The following LNP1 variants were observed in gnomAD, a reference collection of about 807,000 sequenced individuals.
LNP1 encodes leukemia NUP98 fusion partner 1.
In LNP1, 12 loss-of-function variants were observed where a neutral mutation model predicts 14.5. That is an observed-to-expected ratio of 0.83 (90% CI 0.53 to 1.34). LNP1 has a LOEUF of 1.34. Among genes scored for constraint, LNP1 ranks in the 40% most tolerant of loss-of-function variants. LNP1 has a pLI of 0.00. For missense variants in LNP1, 198 were observed against 210.9 expected, an observed-to-expected ratio of 0.94 and a Z score of 0.38; for synonymous variants, 75 against 71.4, an observed-to-expected ratio of 1.05 and a Z score of -0.26.
At chr3:100,454,984 C>A (rs962686619) in intron 3 of LNP1, among the ~76,000 whole-genome samples, 2 of 152,106 alleles carry the variant, frequency 1.3e-5, no homozygotes, top group Non-Finnish European at 2.9e-5. Context: ...TAAATAGATA[C>A]GGTGGCCACA....
intron 2 of LNP1, among the ~76,000 whole-genome samples, chr3:100,432,467 G>T (rs1479563238): frequency 6.6e-6 from 1 of 152,146 alleles, no homozygotes. Flanking sequence ...CCACACTTGT[G>T]GGACTGTCAG....
At chr3:100,431,216 C>T (rs1279499335) in intron 2 of LNP1, among the ~76,000 whole-genome samples, 1 of 152,140 alleles carries the variant, frequency 6.6e-6, no homozygotes, top group Non-Finnish European at 1.5e-5. Context: ...TAGAAAGAAA[C>T]ATGGTTTACT....
At chr3:100,426,066 C>T (rs1707189801) in intron 1 of LNP1, among the ~76,000 whole-genome samples, 1 of 152,182 alleles carries the variant, frequency 6.6e-6, no homozygotes. Flanking sequence ...AGGGGTCCCA[C>T]TCTCTGTGAT....
At chr3:100,438,729 GGA>G (rs1374225614) in intron 2 of LNP1, among the ~76,000 whole-genome samples, 1 of 152,136 alleles carries the variant, frequency 6.6e-6, no homozygotes, top group East Asian at 1.9e-4. Context: ...ACTCTAATCA[GGA>G]GAGTCAGTGT....
rs372103737 is a variant in LNP1, at chr3:100,434,560, A to G, written c.156+4675A>G. On this transcript the variant is annotated intron_variant, in intron 2 of 3. Transcript: ENST00000383693. Reference sequence around the variant, plus strand: ...TTCTTTTTTTTTGAGTTGAAGTCTCATTCTATTGCCCAGGCTGGAGTGCAG... The same window carrying G: ...TTCTTTTTTTTTGAGTTGAAGTCTCGTTCTATTGCCCAGGCTGGAGTGCAG... Among the ~76,000 whole-genome samples, 40 of 147,438 alleles carry G rather than the reference A, an allele frequency of 2.7e-4. 2 individuals carry two copies. The East Asian group carries it at 3.4e-3, about 12-fold the overall frequency.
chr3:100,444,808 A>G (rs559004298), intron 2 of LNP1, among the ~76,000 whole-genome samples: 1 of 152,336 alleles, frequency 6.6e-6, no homozygotes, highest in East Asian at 1.9e-4. Flanking sequence ...TTTTATAAAC[A>G]ATCTATAAAA....
In LNP1 at chr3:100,440,294, T is replaced by C. The variant is rs181325863; in HGVS notation, c.156+10409T>C. On this transcript the variant is annotated intron_variant, in intron 2 of 3. Transcript: ENST00000383693. Reference sequence around the variant, plus strand: ...TGGGGGTTAGGGTTTCAACCTATGATTTTTGGAGAGATATAGTTCAGCCCA... The same window carrying C: ...TGGGGGTTAGGGTTTCAACCTATGACTTTTGGAGAGATATAGTTCAGCCCA... Among the ~76,000 whole-genome samples, 174 of 152,286 alleles carry C rather than the reference T, an allele frequency of 1.1e-3. 3 individuals carry two copies. The highest frequency in any genetic ancestry group is 1.5e-3 in the East Asian group (8 of 5,178).
chr3:100,414,547 A>AT (rs1707063216), intron 1 of LNP1, among the ~76,000 whole-genome samples: 1 of 138,198 alleles, frequency 7.2e-6, no homozygotes, highest in Non-Finnish European at 1.6e-5. Context: ...ACTCAGTCTT[A>AT]AAAAAAAAAA....
At chr3:100,444,765 C>T (rs1288423235) in intron 2 of LNP1, among the ~76,000 whole-genome samples, 2 of 152,174 alleles carry the variant, frequency 1.3e-5, no homozygotes, top group African/African-American at 4.8e-5. Flanking sequence ...CTAATAAAAA[C>T]TGCATGAAGC....
intron 2 of LNP1, among the ~76,000 whole-genome samples, chr3:100,437,533 A>G (rs373908930): frequency 6.6e-6 from 1 of 152,220 alleles, no homozygotes; most frequent in African/African-American, 2.4e-5. Context: ...TGTACAGTGC[A>G]TGGTTACTAA....
In LNP1 at chr3:100,426,272, G is replaced by T. The variant is rs975265118; in HGVS notation, c.-33-3425G>T. 2.6e-5 allele frequency among the ~76,000 whole-genome samples: 4 copies of T among 152,300 alleles called. No individual in the cohort carries two copies. In the Middle Eastern group the frequency reaches 0.01, roughly 389 times the overall value. On this transcript the variant is annotated intron_variant, in intron 1 of 3. Coordinates refer to ENST00000383693, the MANE Select transcript of LNP1 (RefSeq NM_001085451.2). Reference sequence around the variant, plus strand: ...TGTAAACAAACCTGCAATAGTCCCCGAGGCTGAATTATGTTCCTTGAGCCT... The same window carrying T: ...TGTAAACAAACCTGCAATAGTCCCCTAGGCTGAATTATGTTCCTTGAGCCT...
At chr3:100,449,670 A>C (rs1327560224) in intron 2 of LNP1, among the ~76,000 whole-genome samples, 1 of 151,966 alleles carries the variant, frequency 6.6e-6, no homozygotes, top group East Asian at 1.9e-4. Flanking sequence ...CAAAAAAAAC[A>C]ACCAAAAACA....
At chr3:100,417,440 G>T (rs981716481) in intron 1 of LNP1, among the ~76,000 whole-genome samples, 1 of 126,232 alleles carries the variant, frequency 7.9e-6, no homozygotes, top group Non-Finnish European at 1.6e-5. Context: ...GCACTGGTGC[G>T]ATCTCAGCTC....
chr3:100,439,203 C>A (rs1282797055), intron 2 of LNP1, among the ~76,000 whole-genome samples: 2 of 151,260 alleles, frequency 1.3e-5, no homozygotes, highest in East Asian at 3.9e-4. Context: ...CTCCCAGTCA[C>A]AAAACTTTAA....
intron 1 of LNP1, among the ~76,000 whole-genome samples, chr3:100,422,690 C>T (rs181074453): frequency 2.6e-4 from 39 of 152,078 alleles, no homozygotes; most frequent in East Asian, 1.2e-3. Context: ...TGAAGCCCAC[C>T]TTTAGCCAAA....
intron 1 of LNP1, among the ~76,000 whole-genome samples, chr3:100,424,879 C>G (rs964456633): frequency 8.5e-5 from 13 of 152,190 alleles, no homozygotes; most frequent in Non-Finnish European, 1.9e-4. Flanking sequence ...TGAAACTAAC[C>G]TGAGTATTGA....
At chr3:100,443,833 A>C (rs984675785) in intron 2 of LNP1, among the ~76,000 whole-genome samples, 2 of 152,252 alleles carry the variant, frequency 1.3e-5, no homozygotes, top group African/African-American at 4.8e-5. Flanking sequence ...TAAGTTAAGA[A>C]TACTCCCAAA....
chr3:100,405,736 C>A (rs186503901), intron 1 of LNP1, among the ~76,000 whole-genome samples: 1 of 152,280 alleles, frequency 6.6e-6, no homozygotes, highest in East Asian at 1.9e-4. Context: ...TTTCCTTCAT[C>A]TTGCCTAAAT....
chr3:100,407,593 G>C (rs1260659101), intron 1 of LNP1, among the ~76,000 whole-genome samples: 3 of 152,022 alleles, frequency 2.0e-5, no homozygotes, highest in Admixed American at 1.3e-4. Flanking sequence ...GAATCTAATT[G>C]CAAATCTTTG....
Sources: allele counts gnomAD v4.1 joint callset (sites outside exome capture counted in the v4.1 genomes callset), GRCh38; gene constraint gnomAD v4.1.1; transcripts MANE v1.5; gene names NCBI Gene and HGNC (gene_info 2026-07-23, HGNC 2026-07-21).